Variants in TLR6 observed in about 807,000 individuals in gnomAD.
The protein encoded by TLR6 is toll like receptor 6, also known as toll-like receptor 6.
TLR6 carries 9 observed loss-of-function variants against 16.1 expected under a neutral mutation model. The observed-to-expected ratio is 0.56, with a 90% CI of 0.34 to 0.98. TLR6 has a LOEUF of 0.98. TLR6 is among the 50% of genes least tolerant of loss of function. TLR6 has a pLI of 0.02. For missense variants in TLR6, 786 were observed against 921.0 expected (o/e 0.85, Z 1.90); for synonymous variants, 340 against 338.6 (o/e 1.00, Z -0.04).
At chr4:38,853,870 C>T (rs6833997) in intron 1 of TLR6, among the ~76,000 whole-genome samples, 24,053 of 152,064 alleles carry the variant, frequency 0.16, 3,721 homozygotes, top group African/African-American at 0.38. Context: ...TACTATGTAG[C>T]CTTTAAAAAT....
chr4:38,846,102 A>G (rs1712519074), intron 1 of TLR6, among the ~76,000 whole-genome samples: 1 of 151,850 alleles, frequency 6.6e-6, no homozygotes, highest in Admixed American at 6.6e-5. Flanking sequence ...AAAAAAAAAA[A>G]AAAAAGAAAA....
At chr4:38,836,630 A>G (rs1349568331) in intron 1 of TLR6, among the ~76,000 whole-genome samples, 2 of 152,202 alleles carry the variant, frequency 1.3e-5, no homozygotes, top group Non-Finnish European at 2.9e-5. Flanking sequence ...CAAAGCCAGC[A>G]TTTTCCTGAT....
chr4:38,859,591 G>T (rs140337935), upstream of TLR6, among the ~76,000 whole-genome samples: 3,916 of 129,476 alleles, frequency 0.03, 194 homozygotes, highest in African/African-American at 0.11. Context: ...TTGAGACAGG[G>T]TCTCGCTCTG....
chr4:38,848,499 C>T lies in TLR6; in HGVS notation c.-65+8262G>A, dbSNP rs183436314. 1.6e-3 allele frequency among the ~76,000 whole-genome samples: 244 copies of T among 152,300 alleles called. 1 individual carries two copies. The highest frequency in any genetic ancestry group is 5.1e-3 in the African/African-American group (213 of 41,566). ...ACTTCTCCAACTAAAGGAGGAAGTT[C>T]GAACCCATTGCAAAGAAGCTAAAAA... is the stretch of plus-strand genomic sequence containing the variant. On this transcript the variant is annotated intron_variant, in intron 1 of 1. Coordinates refer to ENST00000436693, the Ensembl canonical transcript of TLR6.
At chr4:38,823,247 A>G (rs569086612), downstream of TLR6, among the ~76,000 whole-genome samples, 1 of 152,312 alleles carries the variant, frequency 6.6e-6, no homozygotes, top group Non-Finnish European at 1.5e-5. Context: ...TATTTTTACC[A>G]TACCCTTGCT....
At chr4:38,855,727 G>A (rs1044015031) in intron 1 of TLR6, among the ~76,000 whole-genome samples, 2 of 152,078 alleles carry the variant, frequency 1.3e-5, no homozygotes, top group African/African-American at 4.8e-5. Context: ...CTCCAGAGGC[G>A]TTCATACCCT....
chr4:38,832,685 C>T (rs1467907132), intron 1 of TLR6, among the ~76,000 whole-genome samples: 2 of 152,176 alleles, frequency 1.3e-5, no homozygotes, highest in African/African-American at 2.4e-5. Context: ...TGAAGCCCCA[C>T]TGATATTCTC....
At chr4:38,835,438 T>C (rs1025180378) in intron 1 of TLR6, among the ~76,000 whole-genome samples, 9 of 152,228 alleles carry the variant, frequency 5.9e-5, no homozygotes, top group Non-Finnish European at 1.3e-4. Flanking sequence ...TAAGTATATA[T>C]GTGCCCCACA....
At chr4:38,836,098 T>C (rs935498245) in intron 1 of TLR6, among the ~76,000 whole-genome samples, 1 of 151,660 alleles carries the variant, frequency 6.6e-6, no homozygotes, top group Non-Finnish European at 1.5e-5. Flanking sequence ...ACAAACACTT[T>C]CAAATGTTAG....
At chr4:38,833,464 G>A (rs1711738568) in intron 1 of TLR6, among the ~76,000 whole-genome samples, 1 of 152,288 alleles carries the variant, frequency 6.6e-6, no homozygotes. Context: ...AAATCATACA[G>A]AAACTACACT....
intron 1 of TLR6, among the ~76,000 whole-genome samples, chr4:38,845,380 A>G (rs151113720): frequency 2.5e-4 from 38 of 152,346 alleles, no homozygotes; most frequent in African/African-American, 8.9e-4. Context: ...GCAAAGGAAA[A>G]TTAATGTTGT....
At chr4:38,862,743 G>A in the TLR6 span, among the ~76,000 whole-genome samples, 85 of 151,300 alleles carry the variant, frequency 5.6e-4, no homozygotes, top group African/African-American at 2.0e-3. Context: ...CTACAGGCAC[G>A]TGCCACCACG....
intron 1 of TLR6, among the ~76,000 whole-genome samples, chr4:38,841,288 A>G (rs1333526788): frequency 6.6e-6 from 1 of 152,216 alleles, no homozygotes; most frequent in East Asian, 1.9e-4. Flanking sequence ...TTGTGTGTGT[A>G]TGTGAAAACA....
intron 1 of TLR6, among the ~76,000 whole-genome samples, chr4:38,854,776 T>G (rs1712903180): frequency 6.6e-6 from 1 of 152,154 alleles, no homozygotes; most frequent in Non-Finnish European, 1.5e-5. Context: ...GATATGACTA[T>G]AAGGATACTC....
At chr4:38,829,013 C>T (rs1727696929) in exon 2 of TLR6, 1 of 1,614,086 alleles carries the variant, frequency 6.2e-7, no homozygotes, top group East Asian at 2.2e-5. Context: ...CTTCATAGCA[C>T]TCAATCCCAA....
the TLR6 span, among the ~76,000 whole-genome samples, chr4:38,866,010 G>A: frequency 2.6e-5 from 4 of 151,698 alleles, no homozygotes; most frequent in Admixed American, 2.0e-4. Flanking sequence ...GTGGTGGCAC[G>A]CACCTGTAAT....
chr4:38,828,539 A>G, exon 2 of TLR6: 1 of 1,614,090 alleles, frequency 6.2e-7, no homozygotes, highest in Non-Finnish European at 8.5e-7. Context: ...TTGGTTCGTG[A>G]TATGTTCTAT....
the TLR6 span, among the ~76,000 whole-genome samples, chr4:38,865,994 C>T: frequency 6.6e-6 from 1 of 151,590 alleles, no homozygotes; most frequent in Non-Finnish European, 1.5e-5. Flanking sequence ...CAAAAATTAG[C>T]CGGGTGTGGT....
At chr4:38,846,069 G>T (rs1712513975) in intron 1 of TLR6, among the ~76,000 whole-genome samples, 1 of 144,846 alleles carries the variant, frequency 6.9e-6, no homozygotes, top group African/African-American at 2.6e-5. Flanking sequence ...TCCAGGCTGG[G>T]CCACAGAGCG....
Sources: gnomAD v4.1 joint callset for allele counts (sites outside exome capture counted in the v4.1 genomes callset) on GRCh38, gnomAD v4.1.1 for gene constraint, MANE v1.5 for transcripts, NCBI Gene and HGNC (gene_info 2026-07-23, HGNC 2026-07-21) for gene names.